SAMD9: variants seen among roughly 807,000 people sequenced by gnomAD.
SAMD9 encodes sterile alpha motif domain containing 9, also known as sterile alpha motif domain-containing protein 9.
A neutral mutation model predicts 1.5 loss-of-function variants in SAMD9; 3 were observed. The ratio of observed to expected loss-of-function variants is 2.05; its 90% CI spans 0.93 to 5.29. The LOEUF (loss-of-function observed/expected upper bound fraction) is 5.29, where lower values mean the gene tolerates loss of function less well. Ranked by LOEUF, SAMD9 falls within the 30% of genes most tolerant of loss-of-function variation. SAMD9 has a pLI of 0.02. For synonymous variants in SAMD9, 635 were observed against 631.9 expected (o/e 1.00, Z -0.07); for missense variants, 1,597 against 1,820.8 (o/e 0.88, Z 2.24).
Position 93,100,168 on chromosome 7 carries a change from T to C in SAMD9, c.*1160A>G, listed in dbSNP as rs1174795920. 1 of 152,194 alleles carries C rather than the reference T, an allele frequency of 6.6e-6. No individual in the cohort carries two copies. Among genetic ancestry groups the C allele is most frequent in the Non-Finnish European group, 1.5e-5 (1 of 68,028 alleles). The allele number at this position is 152,194 out of a possible 1,614,324, so 9.4% of individuals were successfully genotyped here. ...AAAAGAAAACCAGGTTTTTGTCCTG[T>C]GAATTTCCCCTTTCTGGATATTGCT... On this transcript the variant is annotated 3_prime_UTR_variant, in exon 3 of 3. Coordinates refer to ENST00000379958, the MANE Select transcript of SAMD9 (RefSeq NM_017654.4).
Position 93,103,824 on chromosome 7 carries a change from G to A in SAMD9, c.2274C>T (p.Phe758=), listed in dbSNP as rs1183004790. Residue 758 remains phenylalanine, a synonymous_variant, in exon 3 of 3, where the codon TTC becomes TTT. Coordinates refer to ENST00000379958, the MANE Select transcript of SAMD9 (RefSeq NM_017654.4). ...MHILWELRKK[F]RCAVLKNKTV... ...TCTTGTTTTTCAGCACAGCACATCTGAATTTCTTCCTTAGTTCCCAGAGAA... is the reference window on the plus strand; with the variant it reads ...TCTTGTTTTTCAGCACAGCACATCTAAATTTCTTCCTTAGTTCCCAGAGAA... The A allele has an allele frequency of 6.2e-7, 1 of 1,613,932 alleles. No individual in the cohort carries two copies. The highest frequency in any genetic ancestry group is 8.5e-7 in the Non-Finnish European group (1 of 1,179,862).
In SAMD9 at chr7:93,105,424, G is replaced by A. The variant is rs752183582; in HGVS notation, c.674C>T (p.Ala225Val). Reference protein sequence around the residue: ...FSNEVFRFASACMNSRTNGTI... With the variant: ...FSNEVFRFASVCMNSRTNGTI... ...GCCATTGGTACGTGAATTCATACAA[G>A]CTGAAGCAAATCGGAAAACCTCATT... The change falls in exon 3 of 3, where the codon GCT (alanine) becomes GTT (valine). Residue 225 changes from alanine to valine, a missense_variant. Ala to Val is a moderately conservative substitution (Grantham distance 64). Transcript: ENST00000379958. The A allele has an allele frequency of 6.2e-7, 1 of 1,614,014 alleles. No individual in the cohort carries two copies. The highest frequency in any genetic ancestry group is 1.1e-5 in the South Asian group (1 of 91,080).
At chr7:93,114,563 A>G (rs1293996063) in intron 2 of SAMD9, among the ~76,000 whole-genome samples, 2 of 152,218 alleles carry the variant, frequency 1.3e-5, no homozygotes, top group Admixed American at 6.5e-5. Flanking sequence ...TAAAGATAAG[A>G]GCAGGAATTT....
At position 93,103,039 on chromosome 7, in the gene SAMD9, G is replaced by A. The variant is rs1039989488; in HGVS notation, c.3059C>T (p.Thr1020Ile). The change falls in exon 3 of 3, where the codon ACT becomes ATT. Residue 1020 changes from threonine (T) to isoleucine (I), a missense_variant. Physicochemically the swap from Thr to Ile is moderately conservative, Grantham distance 89 (BLOSUM62 -1). Transcript: ENST00000379958. ...CAAAAATTTACTTTTTCCCATACCA[G>A]TATCGAAGAACAAATTCTCAGTTAG... ...DMLTENLFFD[T>I]GMGKSKFLQD... is the part of the protein sequence containing the mutation. 2 of 1,613,792 alleles carry A rather than the reference G, an allele frequency of 1.2e-6. No individual in the cohort carries two copies. Among genetic ancestry groups the A allele is most frequent in the Middle Eastern group, 1.6e-4 (1 of 6,062 alleles).
At chr7:93,110,746 G>A (rs534575478) in intron 2 of SAMD9, among the ~76,000 whole-genome samples, 326 of 152,322 alleles carry the variant, frequency 2.1e-3, no homozygotes, top group African/African-American at 7.5e-3. Flanking sequence ...AATTCAACAA[G>A]AAGAGCTAAC....
intron 2 of SAMD9, among the ~76,000 whole-genome samples, chr7:93,113,423 G>A (rs1791779293): frequency 6.6e-6 from 1 of 152,158 alleles, no homozygotes; most frequent in South Asian, 2.1e-4. Flanking sequence ...AACACCAAAA[G>A]CAATGGCAAC....
At chr7:93,113,461 G>A (rs1373477178) in intron 2 of SAMD9, among the ~76,000 whole-genome samples, 2 of 152,102 alleles carry the variant, frequency 1.3e-5, no homozygotes, top group African/African-American at 2.4e-5. Context: ...ATGGGATCTA[G>A]TTAAACTAAA....
chr7:93,105,751 C>T lies in SAMD9; in HGVS notation c.347G>A (p.Gly116Asp), dbSNP rs370262863. 52 of 1,613,866 alleles carry T rather than the reference C, an allele frequency of 3.2e-5. No individual in the cohort carries two copies. Among genetic ancestry groups the T allele is most frequent in the Non-Finnish European group, 4.2e-5 (50 of 1,179,990 alleles). The change falls in exon 3 of 3, where the codon GGT becomes GAT. Residue 116 changes from glycine to aspartate, a missense_variant. Coordinates refer to ENST00000379958, the MANE Select transcript of SAMD9 (RefSeq NM_017654.4). ...RRETSKQKQK[G>D]KENPDMANPS... ...ATTAGCCATATCTGGGTTCTCTTTA[C>T]CCTTTTGTTTTTGCTTTGAAGTTTC...
chr7:93,102,112 A>T lies in SAMD9; in HGVS notation c.3986T>A (p.Val1329Glu). Residue 1329 changes from valine (V) to glutamate (E), a missense_variant, in exon 3 of 3, where the codon GTA (valine) becomes GAA (glutamate). Physicochemically the swap from Val to Glu is moderately radical, Grantham distance 121. This residue lies in a region of SAMD9 where 682 missense variants were observed against 810.0 expected (regional missense o/e 0.84). Coordinates refer to ENST00000379958, the MANE Select transcript of SAMD9 (RefSeq NM_017654.4). ...TACTAGGTTTCTCCTGCATCTCTCTACTTGAAGTGGCTCACTGAACTTTGA... is the reference window on the plus strand; with the variant it reads ...TACTAGGTTTCTCCTGCATCTCTCTTCTTGAAGTGGCTCACTGAACTTTGA... ...LGSKFSEPLQ[V>E]ERCRRNLVAL... The T allele has an allele frequency of 6.2e-7, 1 of 1,613,390 alleles. No homozygotes were observed. The highest frequency in any genetic ancestry group is 2.2e-5 in the East Asian group (1 of 44,858).
chr7:93,117,766 T>C (rs528275751), intron 1 of SAMD9, 97 bp downstream of exon 1: 55 of 152,370 alleles, frequency 3.6e-4, no homozygotes, highest in African/African-American at 1.2e-3. Flanking sequence ...TTTTGAGGTA[T>C]ATTTGAAGCT....
chr7:93,116,081 T>A (rs1357275520), intron 1 of SAMD9, among the ~76,000 whole-genome samples: 2 of 152,204 alleles, frequency 1.3e-5, no homozygotes, highest in African/African-American at 4.8e-5. Flanking sequence ...CGCTGGCTCC[T>A]GAGGCCTCAT....
intron 2 of SAMD9, among the ~76,000 whole-genome samples, chr7:93,113,680 A>T (rs139952008): frequency 0.054 from 8,282 of 152,318 alleles, 406 homozygotes; most frequent in African/African-American, 0.13. Flanking sequence ...TTATGCAGCC[A>T]ACAGACACAT....
chr7:93,106,641 A>C (rs2374627), intron 2 of SAMD9, among the ~76,000 whole-genome samples: 1 of 152,030 alleles, frequency 6.6e-6, no homozygotes, highest in African/African-American at 2.4e-5. Flanking sequence ...TGAGACACAC[A>C]TGAAGCATTT....
In SAMD9 at chr7:93,103,856, T is replaced by C. The variant is rs1398639696; in HGVS notation, c.2242A>G (p.Met748Val). 1 of 1,613,926 alleles carries C rather than the reference T, an allele frequency of 6.2e-7. No individual in the cohort carries two copies. The highest frequency in any genetic ancestry group is 8.5e-7 in the Non-Finnish European group (1 of 1,179,892). Residue 748 changes from methionine to valine, a missense_variant, in exon 3 of 3, where the codon ATG (methionine) becomes GTG (valine). Met to Val is a conservative substitution (Grantham distance 21). This residue lies in a region of SAMD9 where 358 missense variants were observed against 460.4 expected (regional missense o/e 0.78). Coordinates refer to ENST00000379958, the MANE Select transcript of SAMD9 (RefSeq NM_017654.4). ...HPGCGGTTLAMHILWELRKKF... is the reference protein window; with the variant it reads ...HPGCGGTTLAVHILWELRKKF... ...TTCCTTAGTTCCCAGAGAATGTGCA[T>C]AGCCAAGGTAGTTCCCCCACAGCCT...
In SAMD9 at chr7:93,105,711, A is replaced by G. The variant is rs1294508695; in HGVS notation, c.387T>C (p.Ser129=). The G allele has an allele frequency of 4.3e-6, 7 of 1,613,920 alleles. No individual in the cohort carries two copies. The African/African-American group carries it at 9.3e-5, about 22-fold the overall frequency. The part of the protein sequence containing the change: ...NPDMANPSAM[S]TTAKGSKSLK... Reference sequence around the variant, plus strand: ...GTGACTTAGAACCTTTAGCAGTTGTACTCATTGCAGACGGATTAGCCATAT... The same window carrying G: ...GTGACTTAGAACCTTTAGCAGTTGTGCTCATTGCAGACGGATTAGCCATAT... Residue 129 remains serine, a synonymous_variant, in exon 3 of 3, where the codon AGT becomes AGC. Coordinates refer to ENST00000379958, the MANE Select transcript of SAMD9 (RefSeq NM_017654.4).
At position 93,105,441 on chromosome 7, in the gene SAMD9, A is replaced by T; in HGVS notation, c.657T>A (p.Val219=). ...EDVKMKFSNE[V]FRFASACMNS... is the part of the protein sequence containing the mutation. ...TCATACAAGCTGAAGCAAATCGGAA[A>T]ACCTCATTGCTAAATTTCATCTTGA... The change falls in exon 3 of 3, where the codon GTT becomes GTA. Residue 219 remains valine, a synonymous_variant. Coordinates refer to ENST00000379958, the MANE Select transcript of SAMD9 (RefSeq NM_017654.4). 1 of 1,614,072 alleles carries T rather than the reference A, an allele frequency of 6.2e-7. No individual in the cohort carries two copies. Among genetic ancestry groups the T allele is most frequent in the South Asian group, 1.1e-5 (1 of 91,082 alleles).
chr7:93,117,239 T>G (rs1273228807), intron 1 of SAMD9, among the ~76,000 whole-genome samples: 2 of 150,634 alleles, frequency 1.3e-5, no homozygotes, highest in African/African-American at 5.0e-5. Flanking sequence ...TCATTGCCTG[T>G]TCTTTATCTA....
rs1222586893 is a variant in SAMD9, at chr7:93,103,143, G to A, written c.2955C>T (p.His985=). Residue 985 remains histidine, a synonymous_variant, in exon 3 of 3, where the codon CAC becomes CAT. Transcript: ENST00000379958. ...CGNYCGVRII[H]SLIAEFSLEE... is the part of the protein sequence containing the mutation. ...CCAGTGAGAACTCTGCAATCAAAGA[G>A]TGAATGATGCGTACTCCACAGTAGT... The A allele has an allele frequency of 1.2e-6, 2 of 1,613,730 alleles. No individual in the cohort carries two copies. The highest frequency in any genetic ancestry group is 4.5e-5 in the East Asian group (2 of 44,886).
rs756486898 is a variant in SAMD9 at position 93,105,947 on chromosome 7, T to C, written c.151A>G (p.Lys51Glu). 5 of 1,611,918 alleles carry C rather than the reference T, an allele frequency of 3.1e-6. No homozygotes were observed. The highest frequency in any genetic ancestry group is 4.2e-6 in the Non-Finnish European group (5 of 1,178,896). ...VNGAVLKWLK[K>E]EHLVDMGITH... ...ATGCCCATATCAACAAGATGTTCTT[T>C]TTTTAACCACTTCAAGACTGCTCCA... Residue 51 changes from lysine (K) to glutamate (E), a missense_variant, in exon 3 of 3, where the codon AAA (lysine) becomes GAA (glutamate). Coordinates refer to ENST00000379958, the MANE Select transcript of SAMD9 (RefSeq NM_017654.4).
Sources: gnomAD v4.1 joint callset for allele counts (sites outside exome capture counted in the v4.1 genomes callset) on GRCh38, gnomAD v4.1.1 for gene constraint, gnomAD v4.1.1 regional missense constraint, MANE v1.5 for transcripts, NCBI Gene and HGNC (gene_info 2026-07-23, HGNC 2026-07-21) for gene names.